KMT2E: variants seen among roughly 807,000 people sequenced by gnomAD.
The protein encoded by KMT2E is histone reader KMT2E.
Under a neutral mutation model 184.6 loss-of-function variants are expected in KMT2E, and 30 were observed. That is an observed-to-expected ratio of 0.16 (90% CI 0.12 to 0.22). The LOEUF is 0.22. Among genes scored for constraint, KMT2E ranks in the 10% least tolerant of loss-of-function variants. KMT2E has a pLI of 1.00. For missense variants in KMT2E, 2,023 were observed against 2,237.4 expected (o/e 0.90, Z 1.93); for synonymous variants, 815 against 776.5 (o/e 1.05, Z -0.82).
Position 105,090,185 on chromosome 7 carries a change from A to G in KMT2E, c.1535A>G (p.Asp512Gly). 6.2e-7 allele frequency: 1 copy of G among 1,612,452 alleles called. No homozygotes were observed. The highest frequency in any genetic ancestry group is 1.1e-5 in the South Asian group (1 of 90,702). ...ACACAAAATCAGAATATTACTTTGG[A>G]TTGTGAAGGAACGACCAACAAAATG... ...KDTQNQNITLDCEGTTNKMKS... is the reference protein window; with the variant it reads ...KDTQNQNITLGCEGTTNKMKS... Residue 512 changes from aspartate to glycine, a missense_variant, in exon 14 of 27, where the codon GAT becomes GGT. Asp to Gly is a moderately conservative substitution (Grantham distance 94, BLOSUM62 -1). Transcript: ENST00000311117.
At chr7:105,051,132 T>TCTTCCTCCCTCC (rs1796328403) in intron 3 of KMT2E, among the ~76,000 whole-genome samples, 1 of 150,844 alleles carries the variant, frequency 6.6e-6, no homozygotes, top group African/African-American at 2.4e-5. Context: ...TCCTTTCCTC[T>TCTTCCTCCCTCC]CTTCCTCCCT....
intron 18 of KMT2E, 67 bp from the exon 19 acceptor site, chr7:105,105,790 CTG>C: frequency 6.4e-7 from 1 of 1,566,104 alleles, no homozygotes. Context: ...GGAATCGGCT[CTG>C]TATTTACAGG....
At chr7:105,037,170 T>G (rs978219522) in intron 1 of KMT2E, among the ~76,000 whole-genome samples, 20 of 152,196 alleles carry the variant, frequency 1.3e-4, no homozygotes, top group African/African-American at 4.8e-4. Context: ...TACATTAATT[T>G]AAAATATTTA....
At chr7:105,028,611 C>G (rs1795269984) in intron 1 of KMT2E, among the ~76,000 whole-genome samples, 1 of 152,120 alleles carries the variant, frequency 6.6e-6, no homozygotes, top group African/African-American at 2.4e-5. Context: ...TGCACCTCAG[C>G]TTCCCTAGCT....
intron 19 of KMT2E, 124 bp from the exon 20 acceptor site, chr7:105,106,398 T>TTTGGGGTAA (rs1798899212): frequency 2.2e-6 from 2 of 908,262 alleles, no homozygotes; most frequent in Non-Finnish European, 3.3e-6. Context: ...ACCGTGAAAT[T>TTTGGGGTAA]CAGTTTTGGG....
chr7:105,112,923 C>T lies in KMT2E; in HGVS notation c.5167C>T (p.Pro1723Ser), dbSNP rs1799388052. 1 of 1,613,658 alleles carries T rather than the reference C, an allele frequency of 6.2e-7. No individual in the cohort carries two copies. Among genetic ancestry groups the T allele is most frequent in the South Asian group, 1.1e-5 (1 of 91,066 alleles). Residue 1723 changes from proline (P) to serine (S), a missense_variant, in exon 27 of 27, where the codon CCT (proline) becomes TCT (serine). Coordinates refer to ENST00000311117, the MANE Select transcript of KMT2E (RefSeq NM_182931.3). ...ACCCCCACCACCCCCTCCGCCGCCA[C>T]CTTCCAGTGTTTTGGCTTCTGGGCA... ...SAPPPPPPPP[P>S]SSVLASGHHT... is the part of the protein sequence containing the mutation.
intron 12 of KMT2E, among the ~76,000 whole-genome samples, 173 bp downstream of exon 12, chr7:105,079,136 CTTTT>C (rs375440773): frequency 7.4e-6 from 1 of 135,704 alleles, no homozygotes. Context: ...GCTATGAAGT[CTTTT>C]TTTTTTTTTT....
At chr7:105,091,641 G>T (rs942392138) in intron 15 of KMT2E, 2 of 404,546 alleles carry the variant, frequency 4.9e-6, no homozygotes, top group Non-Finnish European at 8.8e-6. Context: ...TTAGCTAAAT[G>T]TATCCTCTCA....
In KMT2E at chr7:105,107,715, C is replaced by T. The variant is rs760622157; in HGVS notation, c.3258C>T (p.Asp1086=). The change falls in exon 22 of 27, where the codon GAC becomes GAT. Residue 1086 remains aspartate (D), a synonymous_variant. Transcript: ENST00000311117. ...TCTCAGTGAACTCCAACTTGAGGGA[C>T]CTGACACCCTCGCATCAGTTGGAGG... ...VNFSVNSNLR[D]LTPSHQLEVG... is the part of the protein sequence containing the mutation. 3.1e-6 allele frequency: 5 copies of T among 1,614,118 alleles called. No individual in the cohort carries two copies. The highest frequency in any genetic ancestry group is 4.2e-6 in the Non-Finnish European group (5 of 1,180,020).
rs754289956 is a variant in KMT2E, at chr7:105,091,280, CAGA to C, written c.1689_1691del (p.Glu565del). 5 of 1,605,746 alleles carry C rather than the reference CAGA, an allele frequency of 3.1e-6. No individual in the cohort carries two copies. The highest frequency in any genetic ancestry group is 4.3e-6 in the Non-Finnish European group (5 of 1,172,820). On this transcript the variant is annotated inframe_deletion, in exon 15 of 27. Transcript: ENST00000311117. ...ATTAGTAATGAAGTAGAAATGGAAT[CAGA>C]GGAGCAGATTGCAGAAAGGAAAAGG...
In KMT2E at chr7:105,102,376, C is replaced by T. The variant is rs529937377; in HGVS notation, c.2196+182C>T. The stretch of plus-strand genomic sequence containing the variant: ...AAAATTAATATAAATGTTTGCATTA[C>T]TGTGAAGATAAAGTTACATTCAGTT... On this transcript the variant is annotated intron_variant, in intron 17 of 26. Transcript: ENST00000311117. 6.2e-6 allele frequency: 3 copies of T among 485,526 alleles called. No homozygotes were observed. The East Asian group carries it at 1.1e-4, about 18-fold the overall frequency. The allele number at this position is 485,526 out of a possible 1,614,324, so 30.1% of individuals were successfully genotyped here. A position where few individuals can be genotyped will look rare whatever the true frequency, so the allele number is the denominator to read the frequency against.
At chr7:105,063,820 A>T (rs572327877) in intron 5 of KMT2E, 2 of 503,522 alleles carry the variant, frequency 4.0e-6, no homozygotes, top group East Asian at 7.3e-5. Flanking sequence ...GTAGGATCAC[A>T]TTTTTCTGTT....
rs1799496346 is a variant in KMT2E at position 105,114,276 on chromosome 7, A to AAAT, written c.*944_*946dup. Reference sequence around the variant, plus strand: ...TTGCAGGAGCCATAGGAAACTACTGAAATGATTGTGCTGGGTAAATTAAGG... The same window carrying AAAT: ...TTGCAGGAGCCATAGGAAACTACTGAAATAATGATTGTGCTGGGTAAATTAAGG... On this transcript the variant is annotated 3_prime_UTR_variant, in exon 27 of 27. Transcript: ENST00000311117. The AAAT allele has an allele frequency of 6.6e-6, 1 of 152,198 alleles. No homozygotes were observed. Among genetic ancestry groups the AAAT allele is most frequent in the South Asian group, 2.1e-4 (1 of 4,832 alleles). The allele number at this position is 152,198 out of a possible 1,614,324, so 9.4% of individuals were successfully genotyped here.
chr7:105,079,835 T>C (rs915799664), intron 12 of KMT2E, among the ~76,000 whole-genome samples: 2 of 149,588 alleles, frequency 1.3e-5, no homozygotes, highest in South Asian at 2.1e-4. Context: ...AAATCATTAT[T>C]ATTATTATTA....
chr7:105,093,000 C>T (rs1798267730), intron 15 of KMT2E, among the ~76,000 whole-genome samples: 1 of 152,016 alleles, frequency 6.6e-6, no homozygotes, highest in Non-Finnish European at 1.5e-5. Context: ...TAGAGACCCA[C>T]CATGGGCAAT....
chr7:105,091,462 T>C, intron 15 of KMT2E, 148 bp downstream of exon 15: 5 of 655,908 alleles, frequency 7.6e-6, no homozygotes, highest in South Asian at 1.7e-5. Flanking sequence ...GTCATTGCCA[T>C]TTAAATAAAT....
rs1457837939 is a variant in KMT2E, at chr7:105,109,281, T to C, written c.3755+53T>C. On this transcript the variant is annotated intron_variant, in intron 23 of 26. Transcript: ENST00000311117. ...TGGAAAAAACAAGCTTTTGTTCAAGTATTCTTCCTATTTGTTGTTCTCCCA... is the reference window on the plus strand; with the variant it reads ...TGGAAAAAACAAGCTTTTGTTCAAGCATTCTTCCTATTTGTTGTTCTCCCA... The C allele has an allele frequency of 1.9e-6, 3 of 1,539,636 alleles. No individual in the cohort carries two copies. The African/African-American group carries it at 4.1e-5, about 21-fold the overall frequency.
At chr7:105,076,896 GTGT>G in intron 9 of KMT2E, 64 bp from the exon 10 acceptor site, 1 of 778,864 alleles carries the variant, frequency 1.3e-6, no homozygotes, top group Non-Finnish European at 2.2e-6. Flanking sequence ...GTGTGTGTGT[GTGT>G]GTGTGTGTGT....
At chr7:105,048,037 T>TG (rs1562890127) in intron 3 of KMT2E, among the ~76,000 whole-genome samples, 3 of 152,082 alleles carry the variant, frequency 2.0e-5, no homozygotes. Flanking sequence ...TCCTTTTTTT[T>TG]GGGGGGTGGA....
Sources: gnomAD v4.1 joint callset for allele counts (sites outside exome capture counted in the v4.1 genomes callset) on GRCh38, gnomAD v4.1.1 for gene constraint, MANE v1.5 for transcripts, NCBI Gene and HGNC (gene_info 2026-07-23, HGNC 2026-07-21) for gene names.